Variants in EXOC4 observed in about 807,000 individuals in gnomAD.
EXOC4 encodes the protein SEC8-like 1.
EXOC4 carries 71 observed loss-of-function variants against 107.2 expected under a neutral mutation model. The observed-to-expected ratio is 0.66, with a 90% CI of 0.55 to 0.81. The LOEUF is 0.81. Ranked by LOEUF, EXOC4 falls within the 30% of genes least tolerant of loss-of-function variation. The pLI is 0.00. For missense variants in EXOC4, 1,108 were observed against 1,189.6 expected, an observed-to-expected ratio of 0.93 and a Z score of 1.01; for synonymous variants, 456 against 441.2, an observed-to-expected ratio of 1.03 and a Z score of -0.42.
chr7:133,359,394 A>G (rs1325870513), intron 6 of EXOC4, among the ~76,000 whole-genome samples: 4 of 152,216 alleles, frequency 2.6e-5, no homozygotes, highest in African/African-American at 7.2e-5. Context: ...GGAAGGTATT[A>G]GTGGCATTTA....
intron 4 of EXOC4, among the ~76,000 whole-genome samples, chr7:133,306,683 C>T (rs1794760996): frequency 6.6e-6 from 1 of 150,908 alleles, no homozygotes; most frequent in South Asian, 2.1e-4. Context: ...TGAGCAACAG[C>T]GAGGAGACCT....
chr7:133,997,216 G>C (rs907642350), intron 14 of EXOC4, among the ~76,000 whole-genome samples: 1 of 152,176 alleles, frequency 6.6e-6, no homozygotes. Context: ...TTCTGTTTCT[G>C]TAGGTTGGTG....
chr7:133,748,858 T>A (rs188973066), intron 10 of EXOC4, among the ~76,000 whole-genome samples: 5 of 152,320 alleles, frequency 3.3e-5, no homozygotes, highest in African/African-American at 9.6e-5. Context: ...CCATGTTATT[T>A]GCACAGTCTA....
chr7:133,762,293 A>G (rs1039269871), intron 10 of EXOC4, among the ~76,000 whole-genome samples: 1 of 152,206 alleles, frequency 6.6e-6, no homozygotes, highest in Admixed American at 6.6e-5. Context: ...GGGCAAGTTC[A>G]TATAGCTTAA....
At chr7:133,763,545 A>G (rs1006185049) in intron 10 of EXOC4, among the ~76,000 whole-genome samples, 1 of 152,120 alleles carries the variant, frequency 6.6e-6, no homozygotes, top group Non-Finnish European at 1.5e-5. Context: ...CTGTAAAATA[A>G]CTTCATGAGG....
intron 11 of EXOC4, among the ~76,000 whole-genome samples, chr7:133,818,429 C>A (rs1354232705): frequency 2.0e-5 from 3 of 152,138 alleles, no homozygotes; most frequent in African/African-American, 4.8e-5. Context: ...CCCTTACCTG[C>A]CTTTACATAT....
chr7:133,516,075 A>G (rs1346243404), intron 9 of EXOC4, among the ~76,000 whole-genome samples: 2 of 152,184 alleles, frequency 1.3e-5, no homozygotes, highest in Non-Finnish European at 2.9e-5. Flanking sequence ...ATGCATCACT[A>G]TTGAAATTAC....
At chr7:133,560,922 G>C (rs1800792714) in intron 9 of EXOC4, among the ~76,000 whole-genome samples, 1 of 152,092 alleles carries the variant, frequency 6.6e-6, no homozygotes, top group African/African-American at 2.4e-5. Context: ...AACCTGCTAA[G>C]AGTATGATTT....
At chr7:133,347,241 A>G (rs1795803313) in intron 5 of EXOC4, among the ~76,000 whole-genome samples, 1 of 146,238 alleles carries the variant, frequency 6.8e-6, no homozygotes, top group Admixed American at 6.8e-5. Context: ...GACGTAAACT[A>G]TACTTTTTTT....
intron 17 of EXOC4, among the ~76,000 whole-genome samples, chr7:134,033,143 G>A (rs571700070): frequency 4.6e-5 from 7 of 152,196 alleles, no homozygotes; most frequent in South Asian, 2.1e-4. Context: ...AATGTGCAAC[G>A]AGGACCTTGG....
chr7:134,002,119 T>TA (rs1794543420), intron 15 of EXOC4, among the ~76,000 whole-genome samples: 1 of 152,212 alleles, frequency 6.6e-6, no homozygotes, highest in South Asian at 2.1e-4. Flanking sequence ...CCAGTGCCAT[T>TA]ACTGGTATTC....
intron 10 of EXOC4, among the ~76,000 whole-genome samples, chr7:133,726,598 A>C (rs747002424): frequency 6.6e-6 from 1 of 152,094 alleles, no homozygotes; most frequent in Non-Finnish European, 1.5e-5. Context: ...GCATTTCTTT[A>C]TTTACTCATT....
At chr7:133,648,811 T>TTAAATA (rs1424240694) in intron 10 of EXOC4, among the ~76,000 whole-genome samples, 10 of 152,198 alleles carry the variant, frequency 6.6e-5, no homozygotes, top group Non-Finnish European at 1.5e-4. Flanking sequence ...GAATATTTCG[T>TTAAATA]TTGAGGGGCA....
chr7:133,368,264 G>A (rs1026561521), intron 6 of EXOC4, among the ~76,000 whole-genome samples: 2 of 152,194 alleles, frequency 1.3e-5, no homozygotes, highest in African/African-American at 4.8e-5. Context: ...GAGAGAATTG[G>A]TTCTTACTCT....
chr7:133,888,650 T>C (rs2116484944), intron 11 of EXOC4, among the ~76,000 whole-genome samples: 2 of 152,356 alleles, frequency 1.3e-5, no homozygotes, highest in Middle Eastern at 6.8e-3. Flanking sequence ...GTTTTTTTAA[T>C]TCAGTTTTAA....
chr7:133,825,317 A>G (rs1797675740), intron 11 of EXOC4, among the ~76,000 whole-genome samples: 1 of 152,154 alleles, frequency 6.6e-6, no homozygotes, highest in South Asian at 2.1e-4. Context: ...GTGAGCAATG[A>G]TCATGCCACT....
chr7:133,939,158 G>A (rs1800370388), intron 14 of EXOC4, among the ~76,000 whole-genome samples: 1 of 152,134 alleles, frequency 6.6e-6, no homozygotes, highest in African/African-American at 2.4e-5. Flanking sequence ...TTTAATATTA[G>A]GGCTATTAGA....
intron 11 of EXOC4, chr7:133,895,178 A>T (rs1390644496): frequency 6.4e-6 from 1 of 156,286 alleles, no homozygotes; most frequent in Non-Finnish European, 1.3e-5. Context: ...TTCGGGTGGG[A>T]GTGACCCGAT....
chr7:134,071,529 G>T (rs568383056), downstream of EXOC4, among the ~76,000 whole-genome samples: 4 of 152,308 alleles, frequency 2.6e-5, no homozygotes, highest in African/African-American at 7.2e-5. Flanking sequence ...AGACATCTGG[G>T]TGTCAGCAAG....
Sources: gnomAD v4.1 joint callset for allele counts (sites outside exome capture counted in the v4.1 genomes callset) on GRCh38, gnomAD v4.1.1 for gene constraint, MANE v1.5 for transcripts, NCBI Gene and HGNC (gene_info 2026-07-23, HGNC 2026-07-21) for gene names.